SLC7A2: variants seen among roughly 807,000 people sequenced by gnomAD.
SLC7A2 encodes solute carrier family 7 member 2.
Under a neutral mutation model 58.9 loss-of-function variants are expected in SLC7A2, and 48 were observed. The ratio of observed to expected loss-of-function variants is 0.82; its 90% confidence interval spans 0.65 to 1.04. The LOEUF is 1.04. Among genes scored for constraint, SLC7A2 ranks in the 50% least tolerant of loss-of-function variants. The probability of loss-of-function intolerance (pLI) is 0.00; values close to 1 mark genes in which losing one functional copy is unlikely to be tolerated. For synonymous variants in SLC7A2, 363 were observed against 314.5 expected, an observed-to-expected ratio of 1.15 and a Z score of -1.63; for missense variants, 1,029 against 818.8, an observed-to-expected ratio of 1.26 and a Z score of -3.13.
At chr8:17,515,899 T>C (rs771058025) in intron 2 of SLC7A2, among the ~76,000 whole-genome samples, 2 of 152,236 alleles carry the variant, frequency 1.3e-5, no homozygotes, top group Non-Finnish European at 2.9e-5. Context: ...CAGCTTCTTA[T>C]GGGTAGGAAC....
intron 6 of SLC7A2, among the ~76,000 whole-genome samples, chr8:17,550,798 A>G (rs1412753933): frequency 6.6e-6 from 1 of 152,184 alleles, no homozygotes; most frequent in Admixed American, 6.5e-5. Flanking sequence ...CATGATGATC[A>G]TGTTCTTAAA....
In SLC7A2 at chr8:17,512,301, C is replaced by G. The variant is rs374325604; in HGVS notation, c.-23+9999C>G. Among the ~76,000 whole-genome samples the G allele has an allele frequency of 4.6e-5, 7 of 151,674 alleles. No homozygotes were observed. In the East Asian group the frequency reaches 5.8e-4, roughly 13 times the overall value. On this transcript the variant is annotated intron_variant, in intron 2 of 12. Coordinates refer to ENST00000494857, the MANE Select transcript of SLC7A2 (RefSeq NM_001370338.1). ...ACAGCTCACCCCTGTAATCCTAGCACTTTGGGAGGCCAAGGAGGGTGGATC... is the reference window on the plus strand; with the variant it reads ...ACAGCTCACCCCTGTAATCCTAGCAGTTTGGGAGGCCAAGGAGGGTGGATC...
chr8:17,510,249 A>G (rs1800548914), intron 2 of SLC7A2, among the ~76,000 whole-genome samples: 1 of 151,624 alleles, frequency 6.6e-6, no homozygotes, highest in Non-Finnish European at 1.5e-5. Flanking sequence ...AATAATAATA[A>G]TAATAAAAGA....
At chr8:17,561,821 CT>C (rs1803003525) in intron 10 of SLC7A2, 122 bp from the exon 11 acceptor site, 3 of 869,060 alleles carry the variant, frequency 3.5e-6, no homozygotes, top group Non-Finnish European at 5.4e-6. Flanking sequence ...GGCGAAGACT[CT>C]TTGTATTTAG....
intron 2 of SLC7A2, among the ~76,000 whole-genome samples, chr8:17,508,436 C>A (rs2705104): frequency 0.95 from 145,064 of 152,274 alleles, 69,507 homozygotes; most frequent in East Asian, 1. Context: ...TAAAAATGAT[C>A]AATTGAGCCG....
chr8:17,497,118 C>T lies in SLC7A2; in HGVS notation c.-188C>T, dbSNP rs190792807. 6.6e-5 allele frequency: 10 copies of T among 151,430 alleles called. No individual in the cohort carries two copies. The highest frequency in any genetic ancestry group is 2.1e-4 in the South Asian group (1 of 4,826). 9.4% of individuals were successfully genotyped at this position (151,430 alleles called of 1,614,324 possible). On this transcript the variant is annotated 5_prime_UTR_variant, in exon 1 of 13. Coordinates refer to ENST00000494857, the MANE Select transcript of SLC7A2 (RefSeq NM_001370338.1). The stretch of plus-strand genomic sequence containing the variant: ...TCTGCAGCGCGGCCGGCGGGCGCTC[C>T]TCTTCGCGGGACCAGCGAGGCGGCG...
chr8:17,561,908 G>A (rs752073398), intron 10 of SLC7A2, 36 bp from the exon 11 acceptor site: 2 of 1,606,512 alleles, frequency 1.2e-6, no homozygotes, highest in Non-Finnish European at 8.5e-7. Flanking sequence ...GTGGAGCACA[G>A]TGTGCTGACT....
Position 17,555,424 on chromosome 8 carries a change from A to G in SLC7A2, c.1195+725A>G, listed in dbSNP as rs150068028. Among the ~76,000 whole-genome samples the G allele has an allele frequency of 4.2e-3, 647 of 152,328 alleles. 4 individuals carry two copies. Among genetic ancestry groups the G allele is most frequent in the African/African-American group, 0.015 (626 of 41,568 alleles). On this transcript the variant is annotated intron_variant, in intron 8 of 12. Coordinates refer to ENST00000494857, the MANE Select transcript of SLC7A2 (RefSeq NM_001370338.1). ...GCACACAAAATTATATTATTGATAC[A>G]TAAACTTCTGATTAAGGAATTCTTG...
chr8:17,559,139 G>C (rs1802843270), intron 9 of SLC7A2, among the ~76,000 whole-genome samples: 2 of 152,174 alleles, frequency 1.3e-5, no homozygotes, highest in East Asian at 1.9e-4. Context: ...TATTTTCAAG[G>C]ATAAGTAAAG....
At chr8:17,523,418 A>T (rs13277561) in intron 2 of SLC7A2, among the ~76,000 whole-genome samples, 3 of 152,284 alleles carry the variant, frequency 2.0e-5, no homozygotes, top group Admixed American at 2.0e-4. Flanking sequence ...AGAATAGCAC[A>T]CAGACCAGTG....
At chr8:17,527,163 T>G (rs1295193886) in intron 2 of SLC7A2, among the ~76,000 whole-genome samples, 1 of 152,194 alleles carries the variant, frequency 6.6e-6, no homozygotes, top group Non-Finnish European at 1.5e-5. Context: ...AGACTTGTGT[T>G]ATAACATGAC....
In SLC7A2 at chr8:17,551,880, T is replaced by C; in HGVS notation, c.949T>C (p.Tyr317His). 3.1e-6 allele frequency: 5 copies of C among 1,613,962 alleles called. No individual in the cohort carries two copies. The highest frequency in any genetic ancestry group is 4.2e-6 in the Non-Finnish European group (5 of 1,179,986). The change falls in exon 7 of 13, where the codon TAC (tyrosine) becomes CAC (histidine). Residue 317 changes from tyrosine (Y) to histidine (H), a missense_variant. Tyr to His is a moderately conservative substitution (Grantham distance 83). Coordinates refer to ENST00000494857, the MANE Select transcript of SLC7A2 (RefSeq NM_001370338.1). ...SAALTLMMPY[Y>H]LLDEKSPLPV... is the part of the protein sequence containing the mutation. The stretch of plus-strand genomic sequence containing the variant: ...AGCTTTAACACTTATGATGCCGTAC[T>C]ACCTCCTCGATGAAAAAAGCCCCCT...
chr8:17,500,107 T>C (rs1016630372), intron 1 of SLC7A2: 2 of 152,208 alleles, frequency 1.3e-5, no homozygotes, highest in African/African-American at 4.8e-5. Flanking sequence ...TCTATAATTA[T>C]GTTTACATTT....
chr8:17,513,572 T>C (rs1005560), intron 2 of SLC7A2, among the ~76,000 whole-genome samples: 122,573 of 152,150 alleles, frequency 0.81, 49,633 homozygotes, highest in South Asian at 0.87. Flanking sequence ...GGATCTCCAT[T>C]GCCTTTATCT....
intron 2 of SLC7A2, among the ~76,000 whole-genome samples, chr8:17,530,420 A>G (rs960264672): frequency 2.6e-5 from 4 of 152,172 alleles, no homozygotes; most frequent in Non-Finnish European, 5.9e-5. Flanking sequence ...TAGTAGGAGG[A>G]CAAACTGGGC....
chr8:17,555,125 C>T (rs1472841000), intron 8 of SLC7A2: 1 of 1,596,078 alleles, frequency 6.3e-7, no homozygotes, highest in East Asian at 2.2e-5. Flanking sequence ...TAGACTGGAA[C>T]ATTTAATTCG....
At chr8:17,538,226 C>T (rs185399879) in intron 2 of SLC7A2, among the ~76,000 whole-genome samples, 1 of 152,284 alleles carries the variant, frequency 6.6e-6, no homozygotes, top group African/African-American at 2.4e-5. Context: ...TATTACAGTG[C>T]TTGTAACTTT....
At chr8:17,543,243 G>T (rs932055789) in intron 2 of SLC7A2, 75 bp from the exon 3 acceptor site, 23 of 1,341,030 alleles carry the variant, frequency 1.7e-5, no homozygotes, top group Middle Eastern at 2.0e-4. Context: ...TACTCTAATT[G>T]TGCCTGGAAG....
chr8:17,526,844 C>G (rs1204424916), intron 2 of SLC7A2, among the ~76,000 whole-genome samples: 1 of 152,192 alleles, frequency 6.6e-6, no homozygotes, highest in East Asian at 1.9e-4. Flanking sequence ...ACGATTATTA[C>G]ACTGGCGAAT....
Sources: gnomAD v4.1 joint callset for allele counts (sites outside exome capture counted in the v4.1 genomes callset) on GRCh38, gnomAD v4.1.1 for gene constraint, MANE v1.5 for transcripts, NCBI Gene and HGNC (gene_info 2026-07-23, HGNC 2026-07-21) for gene names.